The following PPP3CC variants were observed in gnomAD, a reference collection of about 807,000 sequenced individuals.
PPP3CC encodes the protein serine/threonine-protein phosphatase 2B catalytic subunit gamma isoform.
A neutral mutation model predicts 60.3 loss-of-function variants in PPP3CC; 35 were observed. The observed-to-expected ratio is 0.58, with a 90% confidence interval of 0.44 to 0.77. The LOEUF is 0.77. PPP3CC is among the 30% of genes least tolerant of loss of function. The pLI is 0.00. For missense variants in PPP3CC, 570 were observed against 628.9 expected (o/e 0.91, Z 1.00); for synonymous variants, 206 against 224.3 (o/e 0.92, Z 0.73).
intron 1 of PPP3CC, among the ~76,000 whole-genome samples, chr8:22,441,795 A>C (rs1041314171): frequency 8.9e-4 from 136 of 152,276 alleles, no homozygotes; most frequent in African/African-American, 3.1e-3. Context: ...GGGTGGTGTG[A>C]GCAGGGAGTC....
intron 12 of PPP3CC, 72 bp from the exon 13 acceptor site, chr8:22,539,395 CCA>C: frequency 6.5e-7 from 1 of 1,527,810 alleles, no homozygotes; most frequent in Non-Finnish European, 9.0e-7. Context: ...GGCTGTGCTG[CCA>C]TCAGTGCTGT....
chr8:22,506,468 A>T (rs1838923870), intron 4 of PPP3CC, among the ~76,000 whole-genome samples: 1 of 152,214 alleles, frequency 6.6e-6, no homozygotes, highest in African/African-American at 2.4e-5. Flanking sequence ...AAAGAACAGT[A>T]CATATATGCT....
At chr8:22,537,215 C>A (rs1338993971) in intron 12 of PPP3CC, among the ~76,000 whole-genome samples, 1 of 152,170 alleles carries the variant, frequency 6.6e-6, no homozygotes, top group East Asian at 1.9e-4. Flanking sequence ...TATACTCTTA[C>A]AACTGAATAA....
intron 1 of PPP3CC, among the ~76,000 whole-genome samples, chr8:22,465,454 A>T (rs954488625): frequency 6.6e-6 from 1 of 152,230 alleles, no homozygotes; most frequent in Non-Finnish European, 1.5e-5. Flanking sequence ...ATAAGTATGT[A>T]TTAGAAAATT....
intron 11 of PPP3CC, 25 bp downstream of exon 11, chr8:22,532,331 C>A: frequency 1.3e-6 from 2 of 1,556,552 alleles, no homozygotes; most frequent in Non-Finnish European, 1.8e-6. Context: ...CATTACAGTG[C>A]GGATTAAAGG....
chr8:22,462,482 C>T (rs951239587), intron 1 of PPP3CC, among the ~76,000 whole-genome samples: 20 of 152,208 alleles, frequency 1.3e-4, no homozygotes, highest in African/African-American at 4.3e-4. Flanking sequence ...TTCAAACTGT[C>T]GTTTGATGGG....
chr8:22,467,107 C>G (rs1169500643), intron 1 of PPP3CC, among the ~76,000 whole-genome samples: 1 of 151,952 alleles, frequency 6.6e-6, no homozygotes, highest in East Asian at 1.9e-4. Flanking sequence ...AAATATTTAA[C>G]AATAACTGAG....
chr8:22,509,575 C>G (rs779192315), intron 4 of PPP3CC, among the ~76,000 whole-genome samples: 5 of 152,208 alleles, frequency 3.3e-5, no homozygotes, highest in Non-Finnish European at 7.3e-5. Flanking sequence ...AGTTTCCCAC[C>G]TATTATTTCA....
At chr8:22,495,095 G>A (rs1053870089) in intron 3 of PPP3CC, among the ~76,000 whole-genome samples, 2 of 151,836 alleles carry the variant, frequency 1.3e-5, no homozygotes, top group Non-Finnish European at 2.9e-5. Context: ...CTACAGGCAC[G>A]TGACCACCAC....
intron 1 of PPP3CC, among the ~76,000 whole-genome samples, chr8:22,442,316 A>G (rs1442346477): frequency 1.3e-5 from 2 of 152,206 alleles, no homozygotes; most frequent in African/African-American, 4.8e-5. Context: ...ATAGACTTAG[A>G]CCAGCTGTGT....
intron 4 of PPP3CC, among the ~76,000 whole-genome samples, chr8:22,505,950 T>G (rs953594643): frequency 2.6e-5 from 4 of 151,950 alleles, no homozygotes; most frequent in Non-Finnish European, 5.9e-5. Flanking sequence ...TGTGCAGGTT[T>G]GTTATATAGG....
intron 5 of PPP3CC, among the ~76,000 whole-genome samples, 175 bp from the exon 6 acceptor site, chr8:22,513,118 T>C (rs1563763257): frequency 6.6e-6 from 1 of 152,102 alleles, no homozygotes; most frequent in Non-Finnish European, 1.5e-5. Context: ...ATAAAAATTA[T>C]GTATCTAAAA....
intron 3 of PPP3CC, chr8:22,492,806 ATGT>A: frequency 1.0e-6 from 1 of 1,002,476 alleles, no homozygotes; most frequent in South Asian, 1.3e-5. Flanking sequence ...AGAGGTGAAT[ATGT>A]TTACAAACCA....
intron 3 of PPP3CC, among the ~76,000 whole-genome samples, chr8:22,483,322 T>C (rs1838125034): frequency 6.6e-6 from 1 of 152,252 alleles, no homozygotes. Flanking sequence ...AGTCTCGCTG[T>C]GTTGCCCAGG....
intron 1 of PPP3CC, among the ~76,000 whole-genome samples, chr8:22,458,335 C>T (rs1004650994): frequency 9.2e-5 from 14 of 151,896 alleles, no homozygotes; most frequent in African/African-American, 3.4e-4. Flanking sequence ...CGGTGGCTCA[C>T]GCCTGTAATC....
At chr8:22,447,387 TTAG>T (rs1436682528) in intron 1 of PPP3CC, among the ~76,000 whole-genome samples, 3 of 151,946 alleles carry the variant, frequency 2.0e-5, no homozygotes, top group Non-Finnish European at 2.9e-5. Context: ...TTTCACTGTG[TTAG>T]CCAGGATGGT....
intron 1 of PPP3CC, among the ~76,000 whole-genome samples, chr8:22,469,341 G>A (rs1837643736): frequency 6.6e-6 from 1 of 152,092 alleles, no homozygotes; most frequent in Non-Finnish European, 1.5e-5. Context: ...GGAAGGGTGA[G>A]TGGGGGAAAG....
chr8:22,517,102 A>G (rs1406972513), intron 6 of PPP3CC, among the ~76,000 whole-genome samples: 7 of 152,324 alleles, frequency 4.6e-5, no homozygotes, highest in African/African-American at 1.7e-4. Flanking sequence ...CAGCAACATT[A>G]TAGAATGTAG....
At chr8:22,504,694 C>G (rs928198166) in intron 4 of PPP3CC, among the ~76,000 whole-genome samples, 2 of 149,422 alleles carry the variant, frequency 1.3e-5, no homozygotes, top group Non-Finnish European at 3.0e-5. Flanking sequence ...CTGCCTCCCT[C>G]CCTCCTTCCC....
Sources: gnomAD v4.1 joint callset for allele counts (sites outside exome capture counted in the v4.1 genomes callset) on GRCh38, gnomAD v4.1.1 for gene constraint, MANE v1.5 for transcripts, NCBI Gene and HGNC (gene_info 2026-07-23, HGNC 2026-07-21) for gene names.